CFAP54: variants seen among roughly 807,000 people sequenced by gnomAD.
CFAP54 encodes cilia- and flagella-associated protein 54.
A neutral mutation model predicts 370.4 loss-of-function variants in CFAP54; 290 were observed. That is an observed-to-expected ratio of 0.78 (90% CI 0.71 to 0.86). CFAP54 has a LOEUF of 0.86. Among genes scored for constraint, CFAP54 ranks in the 40% least tolerant of loss-of-function variants. The pLI is 0.00. For synonymous variants in CFAP54, 1,206 were observed against 1,236.5 expected, an observed-to-expected ratio of 0.98 and a Z score of 0.52; for missense variants, 3,399 against 3,528.7, an observed-to-expected ratio of 0.96 and a Z score of 0.93.
At position 96,573,511 on chromosome 12, in the gene CFAP54, G is replaced by C. The variant is rs1481491411; in HGVS notation, c.2620-3074G>C. On this transcript the variant is annotated intron_variant, in intron 19 of 67. Transcript: ENST00000524981. ...AAGCTGCTCTGTTGTCTATGGAAGA[G>C]GGTGAAGAGGGAATGAGCCTCTGCC... Among the ~76,000 whole-genome samples the C allele has an allele frequency of 2.6e-5, 4 of 152,310 alleles. No individual in the cohort carries two copies. The East Asian group carries it at 5.8e-4, about 22-fold the overall frequency.
chr12:96,762,039 T>C (rs749420461), intron 58 of CFAP54, among the ~76,000 whole-genome samples: 20 of 152,356 alleles, frequency 1.3e-4, no homozygotes, highest in Admixed American at 3.3e-4. Context: ...GAGATTTTTG[T>C]TGCCATCTTA....
chr12:96,824,405 G>C (rs1959064238), intron 65 of CFAP54, among the ~76,000 whole-genome samples: 1 of 152,158 alleles, frequency 6.6e-6, no homozygotes, highest in South Asian at 2.1e-4. Context: ...TCTGTGATGT[G>C]AATTGATTAG....
chr12:96,764,873 GT>G (rs1958382920), intron 59 of CFAP54, among the ~76,000 whole-genome samples: 1 of 152,080 alleles, frequency 6.6e-6, no homozygotes, highest in South Asian at 2.1e-4. Flanking sequence ...TAATTAAATT[GT>G]CAACCCTAAA....
At chr12:96,585,715 G>A (rs1318305047) in intron 22 of CFAP54, among the ~76,000 whole-genome samples, 1 of 152,062 alleles carries the variant, frequency 6.6e-6, no homozygotes, top group East Asian at 1.9e-4. Context: ...TTTTTATTTT[G>A]TGGCAGCAGG....
Position 96,489,897 on chromosome 12 carries a change from G to A in CFAP54, c.288G>A (p.Glu96=). The A allele has an allele frequency of 6.5e-7, 1 of 1,533,402 alleles. No individual in the cohort carries two copies. Among genetic ancestry groups the A allele is most frequent in the Non-Finnish European group, 8.7e-7 (1 of 1,144,900 alleles). 95.0% of individuals were successfully genotyped at this position (1,533,402 alleles called of 1,614,324 possible). A position where few individuals can be genotyped will look rare whatever the true frequency, so the allele number is the denominator to read the frequency against. ...MRKKKALATT[E]EEKHEFRRRC... Reference sequence around the variant, plus strand: ...AAAAGAAGGCTTTAGCCACCACGGAGGAAGAGAAGCACGAATTCCGCCGGC... The same window carrying A: ...AAAAGAAGGCTTTAGCCACCACGGAAGAAGAGAAGCACGAATTCCGCCGGC... The change falls in exon 1 of 68, where the codon GAG becomes GAA. Residue 96 remains glutamate, a synonymous_variant. Coordinates refer to ENST00000524981, the MANE Select transcript of CFAP54 (RefSeq NM_001306084.2).
chr12:96,716,424 C>T (rs1300440589), intron 48 of CFAP54, among the ~76,000 whole-genome samples: 2 of 152,168 alleles, frequency 1.3e-5, no homozygotes, highest in Admixed American at 6.5e-5. Flanking sequence ...TTTTTTGGTA[C>T]TCTGCTTGCA....
chr12:96,536,783 T>C (rs1354943214), intron 12 of CFAP54, among the ~76,000 whole-genome samples: 1 of 151,912 alleles, frequency 6.6e-6, no homozygotes. Context: ...TGTGCCACCA[T>C]GTTTGGCTAG....
At chr12:96,561,751 A>G (rs1264109186) in intron 17 of CFAP54, among the ~76,000 whole-genome samples, 1 of 143,470 alleles carries the variant, frequency 7.0e-6, no homozygotes, top group African/African-American at 2.6e-5. Flanking sequence ...ACACACATGT[A>G]TATATATTTA....
At chr12:96,718,766 C>T (rs573659525) in intron 49 of CFAP54, among the ~76,000 whole-genome samples, 2 of 152,236 alleles carry the variant, frequency 1.3e-5, no homozygotes, top group Admixed American at 6.5e-5. Flanking sequence ...CGGCTGGGCG[C>T]GGTGGCTCAC....
At chr12:96,669,160 G>A (rs1197879750) in intron 39 of CFAP54, among the ~76,000 whole-genome samples, 1 of 152,136 alleles carries the variant, frequency 6.6e-6, no homozygotes, top group Non-Finnish European at 1.5e-5. Context: ...AAATCCAGTG[G>A]GGCTAACAGC....
intron 46 of CFAP54, among the ~76,000 whole-genome samples, chr12:96,702,464 C>T (rs1329309696): frequency 6.6e-6 from 1 of 152,088 alleles, no homozygotes; most frequent in African/African-American, 2.4e-5. Flanking sequence ...GGGTCACTCA[C>T]ATTTAGAGTC....
chr12:96,788,881 C>G (rs1291382103), intron 62 of CFAP54, among the ~76,000 whole-genome samples: 3 of 152,180 alleles, frequency 2.0e-5, no homozygotes, highest in Non-Finnish European at 2.9e-5. Context: ...GACTTCCTCT[C>G]TCCTAGATAC....
chr12:96,854,140 G>A (rs1032051105), intron 66 of CFAP54, among the ~76,000 whole-genome samples: 2 of 151,878 alleles, frequency 1.3e-5, no homozygotes, highest in African/African-American at 4.8e-5. Flanking sequence ...TCTGCTAAAA[G>A]GATTAAGTCA....
At chr12:96,801,824 T>C (rs1014663494) in intron 63 of CFAP54, among the ~76,000 whole-genome samples, 3 of 152,196 alleles carry the variant, frequency 2.0e-5, no homozygotes, top group African/African-American at 4.8e-5. Context: ...GAGGGAATCA[T>C]TGCTGCTACA....
Position 96,594,441 on chromosome 12 carries a change from G to A in CFAP54, c.3511G>A (p.Val1171Ile). ...TCACAATATTGTTTTGGTACCTGTT[G>A]TACAGGTAAGGGTATTCCTCTCCCC... is the stretch of plus-strand genomic sequence containing the variant. ...IYHNIVLVPVVQILIKCIVVL... is the reference protein window; with the variant it reads ...IYHNIVLVPVIQILIKCIVVL... The change falls in exon 25 of 68, where the codon GTA becomes ATA. Residue 1171 changes from valine to isoleucine, a missense_variant. By Grantham distance (29) the Val-to-Ile change is conservative (BLOSUM62 3). This residue lies in a region of CFAP54 where 2,796 missense variants were observed against 2,869.7 expected (regional missense o/e 0.97). Transcript: ENST00000524981. 3 of 1,526,262 alleles carry A rather than the reference G, an allele frequency of 2.0e-6. No individual in the cohort carries two copies. The highest frequency in any genetic ancestry group is 1.2e-5 in the South Asian group (1 of 83,000). 94.5% of individuals were successfully genotyped at this position (1,526,262 alleles called of 1,614,324 possible).
intron 30 of CFAP54, among the ~76,000 whole-genome samples, chr12:96,629,243 G>A (rs1956577970): frequency 1.3e-5 from 2 of 151,932 alleles, no homozygotes; most frequent in South Asian, 4.2e-4. Context: ...AGCCCTATGG[G>A]AGCTTTTATT....
At chr12:96,533,029 A>T (rs745387816) in intron 9 of CFAP54, among the ~76,000 whole-genome samples, 1 of 152,120 alleles carries the variant, frequency 6.6e-6, no homozygotes, top group Non-Finnish European at 1.5e-5. Context: ...CTTTCTACTT[A>T]TACAGTGGGC....
intron 63 of CFAP54, among the ~76,000 whole-genome samples, chr12:96,797,165 C>T (rs566867356): frequency 8.5e-4 from 129 of 152,118 alleles, no homozygotes; most frequent in African/African-American, 3.0e-3. Flanking sequence ...GTTATCTATT[C>T]CCAGATTGTG....
At chr12:96,727,996 A>G (rs1957864480) in intron 50 of CFAP54, among the ~76,000 whole-genome samples, 1 of 152,142 alleles carries the variant, frequency 6.6e-6, no homozygotes, top group African/African-American at 2.4e-5. Context: ...AGAATGTTGA[A>G]TATTGGCCCC....
Sources: allele counts gnomAD v4.1 joint callset (sites outside exome capture counted in the v4.1 genomes callset), GRCh38; gene constraint gnomAD v4.1.1; regional missense constraint gnomAD v4.1.1; transcripts MANE v1.5; gene names NCBI Gene and HGNC (gene_info 2026-07-23, HGNC 2026-07-21).